ALX4: variants seen among roughly 807,000 people sequenced by gnomAD.
ALX4 encodes the protein homeobox protein aristaless-like 4.
In ALX4, 22 loss-of-function variants were observed where a neutral mutation model predicts 40.6. The ratio of observed to expected loss-of-function variants is 0.54; its 90% CI spans 0.39 to 0.77. The LOEUF (loss-of-function observed/expected upper bound fraction) is 0.77. ALX4 is among the 30% of genes least tolerant of loss of function. ALX4 has a pLI of 0.00. For missense variants in ALX4, 556 were observed against 564.8 expected, an observed-to-expected ratio of 0.98 and a Z score of 0.16; for synonymous variants, 266 against 240.5, an observed-to-expected ratio of 1.11 and a Z score of -0.98.
chr11:44,292,852 T>A (rs1956377854), intron 1 of ALX4, among the ~76,000 whole-genome samples: 1 of 152,014 alleles, frequency 6.6e-6, no homozygotes, highest in African/African-American at 2.4e-5. Flanking sequence ...TCCCAGCACT[T>A]TGGGAAGCCA....
intron 1 of ALX4, among the ~76,000 whole-genome samples, chr11:44,309,227 C>CCCGCAGCCCCG (rs1178610508): frequency 8.6e-5 from 13 of 151,638 alleles, no homozygotes; most frequent in African/African-American, 1.7e-4. Flanking sequence ...GCCCCGCAGC[C>CCCGCAGCCCCG]CAGCGCCAGA....
chr11:44,298,543 A>G (rs942781118), intron 1 of ALX4, among the ~76,000 whole-genome samples: 5 of 152,128 alleles, frequency 3.3e-5, no homozygotes, highest in Non-Finnish European at 5.9e-5. Flanking sequence ...AGGACACGGA[A>G]CTCACTGTAG....
intron 1 of ALX4, among the ~76,000 whole-genome samples, chr11:44,304,782 C>T (rs1236704709): frequency 1.3e-5 from 2 of 152,246 alleles, no homozygotes; most frequent in African/African-American, 4.8e-5. Context: ...CCCAGCTGAT[C>T]TTAGAAACCA....
At chr11:44,272,109 A>T (rs1030021810) in intron 2 of ALX4, among the ~76,000 whole-genome samples, 1 of 152,170 alleles carries the variant, frequency 6.6e-6, no homozygotes, top group Non-Finnish European at 1.5e-5. Flanking sequence ...GGTTGTCCAA[A>T]TTCAAGTGAG....
At position 44,263,892 on chromosome 11, in the gene ALX4, G is replaced by T. The variant is rs552527026; in HGVS notation, c.*962C>A. The stretch of plus-strand genomic sequence containing the variant: ...GGGCAGGGAAGAGACGAGCCCCTCC[G>T]CATCCTCCTGGAGGGAACCTGACTG... On this transcript the variant is annotated 3_prime_UTR_variant, in exon 4 of 4. Coordinates refer to ENST00000652299, the MANE Select transcript of ALX4 (RefSeq NM_021926.4). 2 of 152,344 alleles carry T rather than the reference G, an allele frequency of 1.3e-5. No homozygotes were observed. Among genetic ancestry groups the T allele is most frequent in the Admixed American group, 1.3e-4 (2 of 15,286 alleles). The allele number at this position is 152,344 out of a possible 1,614,324, so 9.4% of individuals were successfully genotyped here.
Position 44,309,743 on chromosome 11 carries a change from G to A in ALX4, c.320C>T (p.Pro107Leu). 2.6e-6 allele frequency: 4 copies of A among 1,535,854 alleles called. No homozygotes were observed. The South Asian group carries it at 4.7e-5, about 18-fold the overall frequency. The stretch of plus-strand genomic sequence containing the variant: ...CTGGGGCTGCGGCTGCTGCTGCTGC[G>A]GCTGCGGCTGCGGCGGCGGCTGGGG... The part of the protein sequence containing the change: ...PQPQPPPQPQ[P>L]QQQQPQPQPP... Residue 107 changes from proline (P) to leucine (L), a missense_variant, in exon 1 of 4, where the codon CCG becomes CTG. Physicochemically the swap from Pro to Leu is moderately conservative, Grantham distance 98. Transcript: ENST00000652299.
intron 1 of ALX4, among the ~76,000 whole-genome samples, chr11:44,301,338 A>C (rs747937441): frequency 3.0e-4 from 46 of 152,340 alleles, no homozygotes; most frequent in South Asian, 1.0e-3. Context: ...CCTGGTGGAC[A>C]GTCCTACACA....
In ALX4 at chr11:44,264,746, G is replaced by C; in HGVS notation, c.*108C>G. On this transcript the variant is annotated 3_prime_UTR_variant, in exon 4 of 4. Coordinates refer to ENST00000652299, the MANE Select transcript of ALX4 (RefSeq NM_021926.4). ...TGAAAGTGCTGAGGGTCAGGCCCCTGGCCCAGGCCAGGTTCCTAAGAGGAA... is the reference window on the plus strand; with the variant it reads ...TGAAAGTGCTGAGGGTCAGGCCCCTCGCCCAGGCCAGGTTCCTAAGAGGAA... 7.6e-7 allele frequency: 1 copy of C among 1,309,884 alleles called. No individual in the cohort carries two copies. The highest frequency in any genetic ancestry group is 1.3e-5 in the South Asian group (1 of 74,138). The allele number at this position is 1,309,884 out of a possible 1,614,324, so 81.1% of individuals were successfully genotyped here. A position where few individuals can be genotyped will look rare whatever the true frequency, so the allele number is the denominator to read the frequency against.
At chr11:44,286,536 A>C (rs1334666558) in intron 1 of ALX4, among the ~76,000 whole-genome samples, 1 of 152,128 alleles carries the variant, frequency 6.6e-6, no homozygotes, top group African/African-American at 2.4e-5. Context: ...GAAGGTGATG[A>C]TCCTGGGGCC....
At chr11:44,276,066 G>A (rs972984179) in intron 1 of ALX4, among the ~76,000 whole-genome samples, 1 of 152,182 alleles carries the variant, frequency 6.6e-6, no homozygotes, top group Non-Finnish European at 1.5e-5. Flanking sequence ...CTGGGTGGAA[G>A]GGAAACTCAT....
intron 1 of ALX4, among the ~76,000 whole-genome samples, chr11:44,301,730 G>A (rs1956435728): frequency 1.3e-5 from 2 of 151,796 alleles, no homozygotes; most frequent in African/African-American, 4.8e-5. Context: ...GTGGAAGGAG[G>A]AGAACTCGGT....
At chr11:44,279,055 G>GCCC (rs1248285074) in intron 1 of ALX4, among the ~76,000 whole-genome samples, 1 of 152,186 alleles carries the variant, frequency 6.6e-6, no homozygotes, top group East Asian at 1.9e-4. Flanking sequence ...CCCTCTCAGA[G>GCCC]TCTGAGTCCT....
At chr11:44,294,816 T>C (rs1184647836) in intron 1 of ALX4, among the ~76,000 whole-genome samples, 1 of 144,110 alleles carries the variant, frequency 6.9e-6, no homozygotes, top group Non-Finnish European at 1.5e-5. Flanking sequence ...GGAACTGTTC[T>C]AAGATCCTTA....
intron 1 of ALX4, 56 bp downstream of exon 1, chr11:44,309,541 G>A: frequency 1.3e-6 from 2 of 1,532,724 alleles, no homozygotes; most frequent in South Asian, 1.2e-5. Context: ...TTCAAGGGAT[G>A]CGGAAGCCAA....
intron 1 of ALX4, among the ~76,000 whole-genome samples, chr11:44,309,264 G>T (rs547898568): frequency 8.7e-5 from 13 of 149,168 alleles, no homozygotes; most frequent in Admixed American, 2.7e-4. Context: ...CCTTGCCGCC[G>T]CACGCCCTGG....
intron 1 of ALX4, among the ~76,000 whole-genome samples, chr11:44,293,184 G>C (rs1256639906): frequency 3.5e-5 from 5 of 143,236 alleles, no homozygotes; most frequent in African/African-American, 5.2e-5. Flanking sequence ...GGCAGGCAGG[G>C]AGGGAGGGAG....
intron 1 of ALX4, among the ~76,000 whole-genome samples, chr11:44,302,567 C>T (rs910841127): frequency 6.6e-6 from 1 of 152,196 alleles, no homozygotes; most frequent in Non-Finnish European, 1.5e-5. Context: ...GAAGGTCCGC[C>T]CAGGGAAGGT....
Position 44,267,518 on chromosome 11 carries a change from G to A in ALX4, c.882C>T (p.Leu294=), listed in dbSNP as rs778373738. 6.2e-6 allele frequency: 10 copies of A among 1,614,072 alleles called. No homozygotes were observed. The highest frequency in any genetic ancestry group is 1.3e-5 in the African/African-American group (1 of 74,932). Reference sequence around the variant, plus strand: ...CCTGGGCGTAGTTCTCAGCTCGGGTGAGGAGGGGCAGCTCATATGCAGTGG... The same window carrying A: ...CCTGGGCGTAGTTCTCAGCTCGGGTAAGGAGGGGCAGCTCATATGCAGTGG... ...HFSTAYELPL[L]TRAENYAQIQ... is the part of the protein sequence containing the mutation. Residue 294 remains leucine, a synonymous_variant, in exon 3 of 4, where the codon CTC becomes CTT. Transcript: ENST00000652299.
chr11:44,284,611 G>C (rs1590695904), intron 1 of ALX4, among the ~76,000 whole-genome samples: 2 of 152,216 alleles, frequency 1.3e-5, no homozygotes, highest in Middle Eastern at 6.8e-3. Flanking sequence ...GGCAGGACTG[G>C]TCCCCACCAG....
Sources: gnomAD v4.1 joint callset for allele counts (sites outside exome capture counted in the v4.1 genomes callset) on GRCh38, gnomAD v4.1.1 for gene constraint, MANE v1.5 for transcripts, NCBI Gene and HGNC (gene_info 2026-07-23, HGNC 2026-07-21) for gene names.